The following CAMK2D variants were observed in gnomAD, a reference collection of about 807,000 sequenced individuals.
CAMK2D encodes the protein calcium/calmodulin dependent protein kinase II delta.
Under a neutral mutation model 84.0 loss-of-function variants are expected in CAMK2D, and 37 were observed. The ratio of observed to expected loss-of-function variants is 0.44; its 90% CI spans 0.34 to 0.58. The LOEUF (loss-of-function observed/expected upper bound fraction) is 0.58, where lower values mean the gene tolerates loss of function less well. CAMK2D is among the 20% of genes least tolerant of loss of function. The pLI, the probability that CAMK2D is intolerant of heterozygous loss-of-function variation, is 0.02. For synonymous variants in CAMK2D, 202 were observed against 212.5 expected (o/e 0.95, Z 0.43); for missense variants, 448 against 652.5 (o/e 0.69, Z 3.41).
intron 16 of CAMK2D, among the ~76,000 whole-genome samples, chr4:113,466,659 C>A (rs2097474256): frequency 6.6e-6 from 1 of 152,102 alleles, no homozygotes; most frequent in Non-Finnish European, 1.5e-5. Context: ...AAACCCAACA[C>A]CAATCATGAT....
intron 4 of CAMK2D, among the ~76,000 whole-genome samples, chr4:113,587,435 G>T (rs1191417544): frequency 6.6e-6 from 1 of 152,162 alleles, no homozygotes; most frequent in African/African-American, 2.4e-5. Flanking sequence ...TATTCACATA[G>T]TTAGGTTTTT....
At chr4:113,592,467 A>G (rs1464873632) in intron 4 of CAMK2D, among the ~76,000 whole-genome samples, 3 of 152,218 alleles carry the variant, frequency 2.0e-5, no homozygotes, top group African/African-American at 7.2e-5. Context: ...AGCTGAAAAG[A>G]ATTTACTTAA....
chr4:113,625,624 A>G (rs1295348821), intron 3 of CAMK2D, among the ~76,000 whole-genome samples: 1 of 152,102 alleles, frequency 6.6e-6, no homozygotes, highest in East Asian at 1.9e-4. Flanking sequence ...TAGAAGAGTG[A>G]ACAGGGGAGA....
intron 2 of CAMK2D, among the ~76,000 whole-genome samples, chr4:113,708,751 G>A (rs941807883): frequency 6.6e-6 from 1 of 152,100 alleles, no homozygotes; most frequent in African/African-American, 2.4e-5. Context: ...TTTTGAGACA[G>A]TCTTGCTCTG....
chr4:113,718,434 T>G (rs140161735), intron 2 of CAMK2D, among the ~76,000 whole-genome samples: 1 of 152,168 alleles, frequency 6.6e-6, no homozygotes, highest in Non-Finnish European at 1.5e-5. Context: ...ATCTAAGTGA[T>G]GCCAGATGAT....
chr4:113,716,597 G>A (rs2099514177), intron 2 of CAMK2D, among the ~76,000 whole-genome samples: 2 of 138,086 alleles, frequency 1.4e-5, no homozygotes, highest in Non-Finnish European at 3.0e-5. Context: ...GTTGTAGTGA[G>A]CTGAGATTAT....
At chr4:113,478,636 A>G (rs2097660219) in intron 16 of CAMK2D, among the ~76,000 whole-genome samples, 1 of 152,138 alleles carries the variant, frequency 6.6e-6, no homozygotes, top group Non-Finnish European at 1.5e-5. Flanking sequence ...CGGACCATTA[A>G]CCTTTCCAGA....
intron 4 of CAMK2D, among the ~76,000 whole-genome samples, chr4:113,564,233 C>A (rs932193750): frequency 6.6e-6 from 1 of 152,122 alleles, no homozygotes; most frequent in African/African-American, 2.4e-5. Context: ...CAGGCCTTTA[C>A]CATGACATGC....
At chr4:113,673,128 A>T (rs140752266) in intron 2 of CAMK2D, among the ~76,000 whole-genome samples, 1 of 152,230 alleles carries the variant, frequency 6.6e-6, no homozygotes, top group East Asian at 1.9e-4. Context: ...AACATTCTGT[A>T]CCACCTCCTA....
intron 4 of CAMK2D, among the ~76,000 whole-genome samples, chr4:113,583,406 T>C (rs1454786985): frequency 1.3e-5 from 2 of 152,116 alleles, no homozygotes; most frequent in African/African-American, 2.4e-5. Flanking sequence ...ACAAAACCAA[T>C]CATTTCCCAG....
chr4:113,675,610 A>T (rs1310300837), intron 2 of CAMK2D, among the ~76,000 whole-genome samples: 2 of 152,182 alleles, frequency 1.3e-5, no homozygotes, highest in African/African-American at 4.8e-5. Flanking sequence ...ATGGAATCAG[A>T]GGAAAAGTAA....
chr4:113,620,445 T>C (rs2099040768), intron 3 of CAMK2D, among the ~76,000 whole-genome samples: 1 of 152,004 alleles, frequency 6.6e-6, no homozygotes, highest in Admixed American at 6.6e-5. Context: ...GTCTAGGCAT[T>C]AACCAAACAG....
At chr4:113,650,302 G>A (rs1220115193) in intron 3 of CAMK2D, among the ~76,000 whole-genome samples, 1 of 151,354 alleles carries the variant, frequency 6.6e-6, no homozygotes, top group Non-Finnish European at 1.5e-5. Context: ...GGTGGATCAC[G>A]AGGTCAGGAG....
intron 4 of CAMK2D, among the ~76,000 whole-genome samples, chr4:113,585,526 C>T (rs1021741332): frequency 5.3e-5 from 8 of 152,136 alleles, no homozygotes; most frequent in Non-Finnish European, 1.0e-4. Flanking sequence ...CTACTTTATA[C>T]ATCTTTATCC....
At chr4:113,616,430 C>T (rs910650832) in intron 3 of CAMK2D, among the ~76,000 whole-genome samples, 2 of 152,122 alleles carry the variant, frequency 1.3e-5, no homozygotes, top group Non-Finnish European at 2.9e-5. Context: ...TCTACAGGAT[C>T]AGATTAGTAT....
Position 113,661,735 on chromosome 4 carries a change from A to G in CAMK2D, c.198T>C (p.Arg66=). ...CACCAATATTAGGGTGCTTCAAAAG[A>G]CGGCAGATTCTAGCTTCTCTTTCTA... ...QKLEREARIC[R]LLKHPNIVRL... is the part of the protein sequence containing the mutation. Residue 66 remains arginine, a synonymous_variant, in exon 3 of 21, where the codon CGT becomes CGC. Transcript: ENST00000511664. 1 of 1,509,036 alleles carries G rather than the reference A, an allele frequency of 6.6e-7. No homozygotes were observed. Among genetic ancestry groups the G allele is most frequent in the Non-Finnish European group, 9.0e-7 (1 of 1,115,108 alleles). 93.5% of individuals were successfully genotyped at this position (1,509,036 alleles called of 1,614,324 possible). A position where few individuals can be genotyped will look rare whatever the true frequency, so the allele number is the denominator to read the frequency against.
intron 17 of CAMK2D, among the ~76,000 whole-genome samples, chr4:113,462,284 GTGTGTGTGTGTC>G (rs1254050202): frequency 2.4e-4 from 20 of 81,640 alleles, no homozygotes; most frequent in Middle Eastern, 0.013. Flanking sequence ...GTGTGTGTGT[GTGTGTGTGTGTC>G]TGTCTGTCTG....
intron 3 of CAMK2D, among the ~76,000 whole-genome samples, chr4:113,655,901 G>T (rs540453496): frequency 6.6e-6 from 1 of 152,064 alleles, no homozygotes; most frequent in South Asian, 2.1e-4. Context: ...TTCACCATAA[G>T]TTTAAATAAA....
At chr4:113,692,275 A>T (rs1283496435) in intron 2 of CAMK2D, among the ~76,000 whole-genome samples, 1 of 152,188 alleles carries the variant, frequency 6.6e-6, no homozygotes, top group African/African-American at 2.4e-5. Flanking sequence ...TATATTTAAA[A>T]TAAGTAACAT....
Sources: allele counts gnomAD v4.1 joint callset (sites outside exome capture counted in the v4.1 genomes callset), GRCh38; gene constraint gnomAD v4.1.1; transcripts MANE v1.5; gene names NCBI Gene and HGNC (gene_info 2026-07-23, HGNC 2026-07-21).